SPATA31H1: variants seen among roughly 807,000 people sequenced by gnomAD.
SPATA31H1 encodes SPATA31 subfamily H member 1.
the SPATA31H1 span, among the ~76,000 whole-genome samples, chr2:27,543,204 C>G: frequency 4.7e-4 from 72 of 152,188 alleles, 1 homozygote; most frequent in African/African-American, 1.5e-3. Flanking sequence ...CCTGCAGCAG[C>G]ATTTCCAAAC....
chr2:27,554,647 C>G, the SPATA31H1 span, among the ~76,000 whole-genome samples: 1 of 152,060 alleles, frequency 6.6e-6, no homozygotes, highest in African/African-American at 2.4e-5. Flanking sequence ...GATCTCAGCT[C>G]ACTGGAACCT....
the SPATA31H1 span, chr2:27,573,432 T>C: frequency 2.5e-5 from 10 of 398,396 alleles, no homozygotes; most frequent in African/African-American, 1.0e-4. Context: ...AACTGTAGAA[T>C]TGAAACCTTC....
chr2:27,574,520 G>T, the SPATA31H1 span: 1 of 398,306 alleles, frequency 2.5e-6, no homozygotes, highest in African/African-American at 2.1e-5. Flanking sequence ...AATCTATGAA[G>T]TTCAGTTCTG....
At chr2:27,563,385 CTTTTTTTTTT>C in the SPATA31H1 span, among the ~76,000 whole-genome samples, 997 of 68,756 alleles carry the variant, frequency 0.015, 23 homozygotes, top group African/African-American at 0.056. Context: ...TCTTCTACTT[CTTTTTTTTTT>C]TTTTTTTTTT....
At chr2:27,539,695 G>A in the SPATA31H1 span, among the ~76,000 whole-genome samples, 17 of 82,856 alleles carry the variant, frequency 2.1e-4, no homozygotes, top group East Asian at 2.1e-3. Flanking sequence ...AGGGGCGGCC[G>A]GGCAGAAGCG....
chr2:27,579,206 T>C, the SPATA31H1 span: 14 of 1,614,224 alleles, frequency 8.7e-6, no homozygotes, highest in South Asian at 1.5e-4. Flanking sequence ...GGGAGAGTCA[T>C]GCCTGGAGGC....
At chr2:27,543,733 C>G in the SPATA31H1 span, among the ~76,000 whole-genome samples, 1 of 151,940 alleles carries the variant, frequency 6.6e-6, no homozygotes, top group South Asian at 2.1e-4. Flanking sequence ...CTCTACCAGT[C>G]TCAGGGGTCT....
At chr2:27,578,344 T>G in the SPATA31H1 span, 2 of 1,614,154 alleles carry the variant, frequency 1.2e-6, no homozygotes, top group Admixed American at 3.3e-5. Flanking sequence ...GTAAAAACTA[T>G]GTTAATCCCA....
the SPATA31H1 span, among the ~76,000 whole-genome samples, chr2:27,563,843 G>A: frequency 1.3e-5 from 2 of 152,036 alleles, no homozygotes; most frequent in African/African-American, 4.8e-5. Context: ...TTATAGGCAT[G>A]AGCCACCGTG....
the SPATA31H1 span, chr2:27,578,566 C>A: frequency 6.2e-7 from 1 of 1,613,758 alleles, no homozygotes; most frequent in Non-Finnish European, 8.5e-7. Context: ...TTAACCTCAC[C>A]GCAAACATCT....
the SPATA31H1 span, chr2:27,581,414 C>T: frequency 5.6e-6 from 9 of 1,613,438 alleles, no homozygotes; most frequent in Non-Finnish European, 7.6e-6. Context: ...AGAGAAATCA[C>T]TGCAGTCCCC....
the SPATA31H1 span, chr2:27,582,423 A>G: frequency 6.2e-7 from 1 of 1,614,248 alleles, no homozygotes; most frequent in Non-Finnish European, 8.5e-7. Flanking sequence ...AGAGAGGCCC[A>G]GCCATAGTTT....
the SPATA31H1 span, among the ~76,000 whole-genome samples, chr2:27,546,347 A>C: frequency 6.6e-6 from 1 of 151,716 alleles, no homozygotes; most frequent in Non-Finnish European, 1.5e-5. Context: ...TAGCTCTATG[A>C]TCCATCTCAA....
At chr2:27,562,901 AT>A in the SPATA31H1 span, among the ~76,000 whole-genome samples, 1 of 151,442 alleles carries the variant, frequency 6.6e-6, no homozygotes, top group Non-Finnish European at 1.5e-5. Flanking sequence ...AAAAAAAAAA[AT>A]TGGGGGAGTA....
chr2:27,540,296 G>T, the SPATA31H1 span, among the ~76,000 whole-genome samples: 1 of 94,000 alleles, frequency 1.1e-5, no homozygotes, highest in African/African-American at 4.0e-5. Flanking sequence ...CCTCCCGGAC[G>T]GGGCGGCTGG....
At chr2:27,580,684 T>C in the SPATA31H1 span, 4 of 1,614,082 alleles carry the variant, frequency 2.5e-6, no homozygotes, top group African/African-American at 2.7e-5. Flanking sequence ...ATAGCTTCTG[T>C]TGGGCGGAAG....
chr2:27,555,872 G>C, the SPATA31H1 span, among the ~76,000 whole-genome samples: 10 of 151,750 alleles, frequency 6.6e-5, no homozygotes, highest in Admixed American at 6.6e-4. Flanking sequence ...GGTGGCTCAC[G>C]CCTGTAATCC....
At chr2:27,571,399 G>A in the SPATA31H1 span, 1 of 398,174 alleles carries the variant, frequency 2.5e-6, no homozygotes, top group Non-Finnish European at 4.4e-6. Flanking sequence ...ATAACCTTAG[G>A]GTCACAGACA....
At chr2:27,541,411 A>AGAGGGGAGAGGGGAGAGGGAGAGG in the SPATA31H1 span, among the ~76,000 whole-genome samples, 4 of 150,424 alleles carry the variant, frequency 2.7e-5, no homozygotes, top group African/African-American at 9.8e-5. Context: ...AGGGGGAGAG[A>AGAGGGGAGAGGGGAGAGGGAGAGG]GAGAGGGGAG....
Sources: gnomAD v4.1 joint callset for allele counts (sites outside exome capture counted in the v4.1 genomes callset) on GRCh38, gnomAD v4.1.1 for gene constraint, MANE v1.5 for transcripts, NCBI Gene and HGNC (gene_info 2026-07-23, HGNC 2026-07-21) for gene names.